Variants in EPHA3 observed in about 807,000 individuals in gnomAD.
The protein encoded by EPHA3 is EPH receptor A3, also known as ephrin type-A receptor 3.
In EPHA3, 42 loss-of-function variants were observed where a neutral mutation model predicts 107.1. That is an observed-to-expected ratio of 0.39 (90% confidence interval 0.31 to 0.51). EPHA3 has a LOEUF of 0.51. Ranked by LOEUF, EPHA3 falls within the 20% of genes least tolerant of loss-of-function variation. The pLI, the probability that EPHA3 is intolerant of heterozygous loss-of-function variation, is 0.78. For synonymous variants in EPHA3, 461 were observed against 424.8 expected, an observed-to-expected ratio of 1.09 and a Z score of -1.05; for missense variants, 1,183 against 1,211.2, an observed-to-expected ratio of 0.98 and a Z score of 0.35.
intron 2 of EPHA3, among the ~76,000 whole-genome samples, chr3:89,142,002 G>T (rs977413638): frequency 2.1e-4 from 32 of 151,202 alleles, no homozygotes; most frequent in Non-Finnish European, 3.7e-4. Flanking sequence ...TCAATTATGG[G>T]TATTTTGGAG....
At chr3:89,363,330 T>C (rs1327152999) in intron 5 of EPHA3, among the ~76,000 whole-genome samples, 1 of 150,634 alleles carries the variant, frequency 6.6e-6, no homozygotes, top group African/African-American at 2.4e-5. Flanking sequence ...AATAGGCTCA[T>C]GTGATTGTGG....
At chr3:89,454,191 A>T (rs986896223) in intron 15 of EPHA3, among the ~76,000 whole-genome samples, 3 of 152,096 alleles carry the variant, frequency 2.0e-5, no homozygotes, top group Non-Finnish European at 4.4e-5. Context: ...TTGCTTGTCA[A>T]TATTACCCCT....
At chr3:89,190,939 A>G (rs1227711885) in intron 2 of EPHA3, among the ~76,000 whole-genome samples, 1 of 152,202 alleles carries the variant, frequency 6.6e-6, no homozygotes, top group Non-Finnish European at 1.5e-5. Flanking sequence ...TCTTCTCTCC[A>G]AATATACTCC....
chr3:89,187,788 T>C (rs552866718), intron 2 of EPHA3, among the ~76,000 whole-genome samples: 70 of 152,270 alleles, frequency 4.6e-4, no homozygotes, highest in Non-Finnish European at 7.6e-4. Flanking sequence ...TCTGAGATAA[T>C]TGGCCATGAC....
intron 3 of EPHA3, among the ~76,000 whole-genome samples, chr3:89,320,158 A>T (rs1263411906): frequency 1.3e-5 from 2 of 151,994 alleles, no homozygotes; most frequent in African/African-American, 4.8e-5. Context: ...TAGAAGAAAG[A>T]TATACATACT....
At chr3:89,476,149 T>C (rs1338117215) in intron 16 of EPHA3, among the ~76,000 whole-genome samples, 2 of 147,666 alleles carry the variant, frequency 1.4e-5, no homozygotes, top group East Asian at 3.9e-4. Context: ...TTATATATAA[T>C]ATATAATGTT....
At chr3:89,361,770 A>G (rs1197255590) in intron 5 of EPHA3, among the ~76,000 whole-genome samples, 2 of 151,054 alleles carry the variant, frequency 1.3e-5, no homozygotes, top group African/African-American at 4.8e-5. Context: ...AGAGGTGATA[A>G]TAACTTGAGT....
chr3:89,470,528 A>G (rs1342170235), intron 15 of EPHA3, among the ~76,000 whole-genome samples: 1 of 152,170 alleles, frequency 6.6e-6, no homozygotes, highest in Non-Finnish European at 1.5e-5. Context: ...TCCCCATTTT[A>G]CAGATGAGGA....
intron 2 of EPHA3, among the ~76,000 whole-genome samples, chr3:89,150,494 G>A (rs914017095): frequency 5.3e-5 from 8 of 152,006 alleles, no homozygotes; most frequent in African/African-American, 1.9e-4. Flanking sequence ...TCATTTGGGA[G>A]ACCTTCTAGA....
intron 3 of EPHA3, among the ~76,000 whole-genome samples, chr3:89,277,522 T>C (rs1705837153): frequency 6.6e-6 from 1 of 152,128 alleles, no homozygotes; most frequent in Non-Finnish European, 1.5e-5. Context: ...GTAAAATTGT[T>C]CTAGACCACT....
intron 2 of EPHA3, among the ~76,000 whole-genome samples, chr3:89,139,373 C>G (rs1181501376): frequency 5.3e-5 from 8 of 151,806 alleles, no homozygotes; most frequent in South Asian, 4.1e-4. Context: ...CTGTGTTTGT[C>G]CAGAAATTCC....
chr3:89,245,847 G>A (rs1705019406), intron 3 of EPHA3, among the ~76,000 whole-genome samples: 1 of 152,174 alleles, frequency 6.6e-6, no homozygotes, highest in Non-Finnish European at 1.5e-5. Context: ...AATTGTACAA[G>A]GACAGCTTTT....
intron 1 of EPHA3, among the ~76,000 whole-genome samples, chr3:89,124,744 A>G (rs1244593806): frequency 1.3e-5 from 2 of 152,032 alleles, no homozygotes; most frequent in Non-Finnish European, 2.9e-5. Flanking sequence ...CAAGATACTC[A>G]GGGTAGATAT....
intron 13 of EPHA3, among the ~76,000 whole-genome samples, chr3:89,432,245 C>G (rs115110186): frequency 2.6e-5 from 4 of 152,204 alleles, no homozygotes; most frequent in African/African-American, 9.6e-5. Flanking sequence ...TTACTACACT[C>G]TTGATAAAAC....
rs775665893 is a variant in EPHA3, at chr3:89,399,451, G to A, written c.1565G>A (p.Arg522His). 26 of 1,613,868 alleles carry A rather than the reference G, an allele frequency of 1.6e-5. No individual in the cohort carries two copies. The highest frequency in any genetic ancestry group is 4.5e-5 in the East Asian group (2 of 44,882). ...RTAAGYGTNS[R>H]KFEFETSPDS... ...GCCGCTGGATATGGGACGAACAGCC[G>A]CAAGTTTGAGTTTGAAACTAGTCCA... The change falls in exon 7 of 17, where the codon CGC becomes CAC. Residue 522 changes from arginine to histidine, a missense_variant. Transcript: ENST00000336596.
chr3:89,345,820 T>A (rs1240783515), intron 5 of EPHA3, among the ~76,000 whole-genome samples: 1 of 120,470 alleles, frequency 8.3e-6, no homozygotes, highest in Non-Finnish European at 1.7e-5. Flanking sequence ...CCTGTGTCCA[T>A]GTGATCTCAT....
chr3:89,252,855 T>C (rs1268291684), intron 3 of EPHA3, among the ~76,000 whole-genome samples: 1 of 149,436 alleles, frequency 6.7e-6, no homozygotes, highest in Non-Finnish European at 1.5e-5. Context: ...AATTTTTATA[T>C]ACATTATACT....
chr3:89,305,003 T>G (rs986108761), intron 3 of EPHA3, among the ~76,000 whole-genome samples: 1 of 152,212 alleles, frequency 6.6e-6, no homozygotes, highest in Non-Finnish European at 1.5e-5. Context: ...AATTAAAAGA[T>G]TGTTCATTTC....
chr3:89,430,229 G>A (rs1709540604), intron 12 of EPHA3, among the ~76,000 whole-genome samples: 1 of 152,076 alleles, frequency 6.6e-6, no homozygotes, highest in African/African-American at 2.4e-5. Flanking sequence ...AGGTGCTTTT[G>A]TTGCTATATA....
Sources: gnomAD v4.1 joint callset for allele counts (sites outside exome capture counted in the v4.1 genomes callset) on GRCh38, gnomAD v4.1.1 for gene constraint, MANE v1.5 for transcripts, NCBI Gene and HGNC (gene_info 2026-07-23, HGNC 2026-07-21) for gene names.